The following PSD2 variants were observed in gnomAD, a reference collection of about 807,000 sequenced individuals.
The protein encoded by PSD2 is PH and SEC7 domain-containing protein 2.
Under a neutral mutation model 69.8 loss-of-function variants are expected in PSD2, and 38 were observed. The ratio of observed to expected loss-of-function variants is 0.54; its 90% CI spans 0.42 to 0.71. PSD2 has a LOEUF of 0.71. Ranked by LOEUF, PSD2 falls within the 30% of genes least tolerant of loss-of-function variation. The pLI, the probability that PSD2 is intolerant of heterozygous loss-of-function variation, is 0.00. For missense variants in PSD2, 943 were observed against 1,014.5 expected (o/e 0.93, Z 0.96); for synonymous variants, 412 against 423.0 (o/e 0.97, Z 0.32).
rs74515683 is a variant in PSD2, at chr5:139,797,092, G to T, written c.-51+1117G>T. Among the ~76,000 whole-genome samples the T allele has an allele frequency of 4.0e-4, 61 of 152,324 alleles. 1 individual carries two copies. In the East Asian group the frequency reaches 0.011, roughly 28 times the overall value. On this transcript the variant is annotated intron_variant, in intron 1 of 14. Coordinates refer to ENST00000274710, the MANE Select transcript of PSD2 (RefSeq NM_032289.4). Reference sequence around the variant, plus strand: ...CCCGTGGCCCAGGGCAGTTGCAGTCGTTCTTTCATTCTTCCACCCTCTCCC... The same window carrying T: ...CCCGTGGCCCAGGGCAGTTGCAGTCTTTCTTTCATTCTTCCACCCTCTCCC...
In PSD2 at chr5:139,837,864, G is replaced by A; in HGVS notation, c.1823+82G>A. On this transcript the variant is annotated intron_variant, in intron 12 of 14. Coordinates refer to ENST00000274710, the MANE Select transcript of PSD2 (RefSeq NM_032289.4). The surrounding 1 kb of genome is among the most constrained non-coding windows in gnomAD (Gnocchi z 5.0). Reference sequence around the variant, plus strand: ...GGCACACAACCCCTCTCCTTCCCGTGAGTCAGCAACAGAGCATGTGTATCC... The same window carrying A: ...GGCACACAACCCCTCTCCTTCCCGTAAGTCAGCAACAGAGCATGTGTATCC... 1 of 1,387,282 alleles carries A rather than the reference G, an allele frequency of 7.2e-7. No individual in the cohort carries two copies. The highest frequency in any genetic ancestry group is 9.9e-7 in the Non-Finnish European group (1 of 1,009,686). 85.9% of individuals were successfully genotyped at this position (1,387,282 alleles called of 1,614,324 possible). A position where few individuals can be genotyped will look rare whatever the true frequency, so the allele number is the denominator to read the frequency against.
At chr5:139,769,402 A>G in the PSD2 span, among the ~76,000 whole-genome samples, 1 of 152,122 alleles carries the variant, frequency 6.6e-6, no homozygotes, top group Non-Finnish European at 1.5e-5. Flanking sequence ...ATAAGTCCCA[A>G]TGGAGGGCAC....
intron 7 of PSD2, among the ~76,000 whole-genome samples, chr5:139,823,397 C>T (rs1760324198): frequency 6.6e-6 from 1 of 152,242 alleles, no homozygotes. Flanking sequence ...CCATCACCAT[C>T]TGGCTCCACC....
intron 4 of PSD2, among the ~76,000 whole-genome samples, chr5:139,815,972 C>T (rs980272398): frequency 7.9e-6 from 1 of 126,450 alleles, no homozygotes; most frequent in African/African-American, 3.1e-5. Flanking sequence ...CCAGCCTGGG[C>T]AACAGAGCAA....
rs112084041 is a variant in PSD2 at position 139,798,984 on chromosome 5, G to A, written c.-51+3009G>A. ...TGGCTTTTTTGAGATTTTTTTTAAT[G>A]ACATTGTCAATTTGGAAGGCTTGTG... On this transcript the variant is annotated intron_variant, in intron 1 of 14. Transcript: ENST00000274710. 7.2e-5 allele frequency among the ~76,000 whole-genome samples: 11 copies of A among 151,830 alleles called. 1 individual carries two copies. The highest frequency in any genetic ancestry group is 2.0e-4 in the Admixed American group (3 of 15,266).
chr5:139,841,944 G>T (rs1366244790), intron 14 of PSD2, among the ~76,000 whole-genome samples: 1 of 152,118 alleles, frequency 6.6e-6, no homozygotes, highest in Non-Finnish European at 1.5e-5. Context: ...CCATTCTGTA[G>T]GTTGCCTTTT....
the PSD2 span, among the ~76,000 whole-genome samples, chr5:139,782,170 G>GT: frequency 1.6e-4 from 24 of 151,858 alleles, no homozygotes; most frequent in Non-Finnish European, 2.6e-4. Context: ...TTGTTATCTA[G>GT]TTTTTTTTGT....
chr5:139,830,660 T>TTCTTTCTTTCTTTCTTTC (rs1760573398), intron 7 of PSD2, among the ~76,000 whole-genome samples: 3 of 116,876 alleles, frequency 2.6e-5, no homozygotes, highest in Non-Finnish European at 5.5e-5. Context: ...TTCTTTCTCT[T>TTCTTTCTTTCTTTCTTTC]TCTTTCTTTA....
At chr5:139,803,033 A>T (rs1428355697) in intron 1 of PSD2, among the ~76,000 whole-genome samples, 1 of 152,244 alleles carries the variant, frequency 6.6e-6, no homozygotes, top group African/African-American at 2.4e-5. Flanking sequence ...TATCACTCCA[A>T]ACAGGCATTA....
chr5:139,759,933 T>C, the PSD2 span, among the ~76,000 whole-genome samples: 637 of 152,304 alleles, frequency 4.2e-3, 5 homozygotes, highest in African/African-American at 0.015. Context: ...ATAGGGTAAC[T>C]GAGGAAACTG....
the PSD2 span, among the ~76,000 whole-genome samples, chr5:139,769,033 G>A: frequency 6.6e-6 from 1 of 152,162 alleles, no homozygotes; most frequent in African/African-American, 2.4e-5. Flanking sequence ...TGTCATTGGT[G>A]GAGGGTAGGG....
chr5:139,811,823 G>A (rs1459451665), intron 2 of PSD2, among the ~76,000 whole-genome samples: 2 of 152,136 alleles, frequency 1.3e-5, no homozygotes, highest in Admixed American at 6.6e-5. Flanking sequence ...TAGATCTCCT[G>A]ACCTCGTGAT....
the PSD2 span, among the ~76,000 whole-genome samples, chr5:139,752,391 T>A: frequency 7.2e-5 from 11 of 152,082 alleles, no homozygotes; most frequent in African/African-American, 2.4e-4. Flanking sequence ...GTCACCTGGG[T>A]GCACACAGGC....
At chr5:139,783,647 T>C in the PSD2 span, among the ~76,000 whole-genome samples, 4 of 152,124 alleles carry the variant, frequency 2.6e-5, no homozygotes, top group African/African-American at 9.7e-5. Flanking sequence ...CCCAGGCTGC[T>C]TGTTAACTGT....
upstream of PSD2, among the ~76,000 whole-genome samples, chr5:139,794,688 G>A (rs910806217): frequency 1.3e-5 from 2 of 152,212 alleles, no homozygotes; most frequent in African/African-American, 2.4e-5. Flanking sequence ...GAACCCCCCA[G>A]GGGCTGGAGT....
At chr5:139,750,352 A>C in the PSD2 span, among the ~76,000 whole-genome samples, 110 of 152,006 alleles carry the variant, frequency 7.2e-4, no homozygotes, top group Admixed American at 2.4e-3. Context: ...ACAAAAAAAA[A>C]CCCAAAATAT....
At chr5:139,830,009 T>TTAA (rs1157047027) in intron 7 of PSD2, among the ~76,000 whole-genome samples, 1 of 137,810 alleles carries the variant, frequency 7.3e-6, no homozygotes, top group African/African-American at 3.0e-5. Flanking sequence ...TCTTTTTTTT[T>TTAA]GAAAAAAAAA....
intron 3 of PSD2, 42 bp downstream of exon 3, chr5:139,813,800 G>A (rs1472175544): frequency 6.6e-7 from 1 of 1,525,898 alleles, no homozygotes; most frequent in South Asian, 1.3e-5. Context: ...GAGCAGATGG[G>A]GAAACTGAGA....
chr5:139,797,412 T>C (rs1004715380), intron 1 of PSD2, among the ~76,000 whole-genome samples: 1 of 152,214 alleles, frequency 6.6e-6, no homozygotes, highest in African/African-American at 2.4e-5. Context: ...CCTCCCTCAC[T>C]GGTGCCTCTT....
Sources: allele counts gnomAD v4.1 joint callset (sites outside exome capture counted in the v4.1 genomes callset), GRCh38; gene constraint gnomAD v4.1.1; non-coding constraint Gnocchi (gnomAD v3.1); transcripts MANE v1.5; gene names NCBI Gene and HGNC (gene_info 2026-07-23, HGNC 2026-07-21).